The following NPFFR2 variants were observed in gnomAD, a reference collection of about 807,000 sequenced individuals.
NPFFR2 encodes G-protein coupled receptor 74.
A neutral mutation model predicts 13.1 loss-of-function variants in NPFFR2; 15 were observed. That is an observed-to-expected ratio of 1.15 (90% CI 0.77 to 1.76). The LOEUF (loss-of-function observed/expected upper bound fraction) is 1.76. Among genes scored for constraint, NPFFR2 ranks in the 40% most tolerant of loss-of-function variants. The pLI is 0.00. For missense variants in NPFFR2, 572 were observed against 503.5 expected, an observed-to-expected ratio of 1.14 and a Z score of -1.30; for synonymous variants, 190 against 175.7, an observed-to-expected ratio of 1.08 and a Z score of -0.65.
chr4:72,101,483 ATG>A (rs1314655885), intron 1 of NPFFR2, among the ~76,000 whole-genome samples: 2 of 151,412 alleles, frequency 1.3e-5, no homozygotes, highest in Non-Finnish European at 2.9e-5. Flanking sequence ...ATATTAAAAT[ATG>A]TTATATATAA....
chr4:72,042,750 T>C (rs1719258918), intron 1 of NPFFR2, among the ~76,000 whole-genome samples: 1 of 152,116 alleles, frequency 6.6e-6, no homozygotes, highest in African/African-American at 2.4e-5. Context: ...GCAGAAGAAA[T>C]TTCTATGTGG....
intron 1 of NPFFR2, among the ~76,000 whole-genome samples, chr4:72,057,742 C>T (rs1361919053): frequency 2.6e-5 from 4 of 151,920 alleles, no homozygotes; most frequent in Non-Finnish European, 5.9e-5. Flanking sequence ...GTATCTCCCA[C>T]AATATACTTA....
chr4:72,105,809 A>G (rs1485152754), intron 1 of NPFFR2, among the ~76,000 whole-genome samples: 2 of 152,086 alleles, frequency 1.3e-5, no homozygotes, highest in Admixed American at 1.3e-4. Context: ...AAAACCTTAA[A>G]TATAATGAAT....
intron 1 of NPFFR2, among the ~76,000 whole-genome samples, 189 bp downstream of exon 1, chr4:72,032,389 GGATGTCTGCACCACA>G (rs1382871268): frequency 6.6e-6 from 1 of 152,230 alleles, no homozygotes; most frequent in Non-Finnish European, 1.5e-5. Flanking sequence ...TCTCTGCCCT[GGATGTCTGCACCACA>G]GATGGCTGTG....
At chr4:72,134,055 A>G (rs1722333737) in intron 2 of NPFFR2, among the ~76,000 whole-genome samples, 1 of 152,168 alleles carries the variant, frequency 6.6e-6, no homozygotes, top group Admixed American at 6.5e-5. Context: ...ACTTGAGGCC[A>G]GGAATTCAAG....
chr4:72,057,717 T>C (rs570631429), intron 1 of NPFFR2, among the ~76,000 whole-genome samples: 12 of 151,884 alleles, frequency 7.9e-5, no homozygotes, highest in South Asian at 2.1e-4. Context: ...ACAGTGAAAA[T>C]AGGATATTTA....
chr4:72,069,090 T>A, intron 1 of NPFFR2: 1 of 517,242 alleles, frequency 1.9e-6, no homozygotes, highest in Non-Finnish European at 3.3e-6. Flanking sequence ...TAAGCTATTC[T>A]GATGAGGAAA....
chr4:72,113,546 T>A (rs188507361), intron 1 of NPFFR2, among the ~76,000 whole-genome samples: 1 of 152,270 alleles, frequency 6.6e-6, no homozygotes, highest in Non-Finnish European at 1.5e-5. Flanking sequence ...ATATTTTTTA[T>A]ATACTTTTTA....
At chr4:72,065,688 T>C (rs1240600561) in intron 1 of NPFFR2, among the ~76,000 whole-genome samples, 1 of 152,168 alleles carries the variant, frequency 6.6e-6, no homozygotes, top group Admixed American at 6.6e-5. Context: ...CATTTTCTTC[T>C]AGTAGGAGCA....
chr4:72,140,922 T>C (rs1006393002), intron 3 of NPFFR2, among the ~76,000 whole-genome samples: 62 of 152,194 alleles, frequency 4.1e-4, no homozygotes, highest in African/African-American at 1.4e-3. Context: ...AGCTATTAAT[T>C]ATTGCCTCAA....
intron 2 of NPFFR2, among the ~76,000 whole-genome samples, chr4:72,130,773 G>A (rs758312764): frequency 1.4e-4 from 22 of 152,148 alleles, no homozygotes; most frequent in Non-Finnish European, 2.6e-4. Context: ...GTGACCCCTG[G>A]AGCCCCAGAA....
intron 1 of NPFFR2, among the ~76,000 whole-genome samples, chr4:72,075,370 T>A (rs1720396661): frequency 6.6e-6 from 1 of 152,144 alleles, no homozygotes; most frequent in African/African-American, 2.4e-5. Context: ...ATTCCATTAG[T>A]TCTGTCCCTC....
Position 72,128,920 on chromosome 4 carries a change from G to A in NPFFR2, c.328+1G>A. 6.3e-7 allele frequency: 1 copy of A among 1,595,536 alleles called. No individual in the cohort carries two copies. The highest frequency in any genetic ancestry group is 8.6e-7 in the Non-Finnish European group (1 of 1,165,894). ...ACACTGCTGGACAATATTATAGCAG[G>A]TATGTTGGCTTTTGTGCAGTTTGAA... On this transcript the variant is annotated splice_donor_variant, in intron 2 of 3. Transcript: ENST00000308744. LOFTEE classifies it high-confidence loss of function.
chr4:72,105,989 C>T (rs1034726307), intron 1 of NPFFR2, among the ~76,000 whole-genome samples: 3 of 152,042 alleles, frequency 2.0e-5, no homozygotes, highest in Middle Eastern at 3.4e-3. Flanking sequence ...GAGTCATTAA[C>T]CCTTATTAGG....
At chr4:72,114,623 A>G (rs1295059652) in intron 1 of NPFFR2, among the ~76,000 whole-genome samples, 1 of 152,174 alleles carries the variant, frequency 6.6e-6, no homozygotes, top group African/African-American at 2.4e-5. Context: ...AGATTCAAGC[A>G]ATAAAAAGTA....
intron 1 of NPFFR2, among the ~76,000 whole-genome samples, chr4:72,118,042 A>G (rs747306813): frequency 3.3e-5 from 5 of 152,186 alleles, no homozygotes; most frequent in Non-Finnish European, 7.3e-5. Context: ...CGAAAGTGAA[A>G]AACATATGGA....
At position 72,040,681 on chromosome 4, in the gene NPFFR2, T is replaced by G. The variant is rs181562800; in HGVS notation, c.-8+8481T>G. On this transcript the variant is annotated intron_variant, in intron 1 of 3. Transcript: ENST00000308744. The stretch of plus-strand genomic sequence containing the variant: ...AATCCTGTCACTGCTTTGCAAATAT[T>G]TTTACCAAACGAACTGTTTGTCTAT... 6.6e-5 allele frequency among the ~76,000 whole-genome samples: 10 copies of G among 152,176 alleles called. No homozygotes were observed. The East Asian group carries it at 1.5e-3, about 23-fold the overall frequency.
intron 1 of NPFFR2, among the ~76,000 whole-genome samples, chr4:72,051,635 A>T (rs1719585110): frequency 6.6e-6 from 1 of 151,730 alleles, no homozygotes; most frequent in Non-Finnish European, 1.5e-5. Flanking sequence ...GGCAAGAAAT[A>T]ACTAAAATCA....
At chr4:72,068,642 G>A (rs1266612388) in intron 1 of NPFFR2, among the ~76,000 whole-genome samples, 1 of 152,016 alleles carries the variant, frequency 6.6e-6, no homozygotes, top group Non-Finnish European at 1.5e-5. Flanking sequence ...AAATACGGTT[G>A]AATGAACCAA....
Sources: gnomAD v4.1 joint callset for allele counts (sites outside exome capture counted in the v4.1 genomes callset) on GRCh38, gnomAD v4.1.1 for gene constraint, MANE v1.5 for transcripts, NCBI Gene and HGNC (gene_info 2026-07-23, HGNC 2026-07-21) for gene names.